ETS1: variants seen among roughly 807,000 people sequenced by gnomAD.
ETS1 encodes the protein protein C-ets-1.
In ETS1, 15 loss-of-function variants were observed where a neutral mutation model predicts 58.6. The ratio of observed to expected loss-of-function variants is 0.26; its 90% CI spans 0.17 to 0.39. The LOEUF is 0.39. Ranked by LOEUF, ETS1 falls within the 10% of genes least tolerant of loss-of-function variation. ETS1 has a pLI of 1.00. For synonymous variants in ETS1, 214 were observed against 218.2 expected (o/e 0.98, Z 0.17); for missense variants, 417 against 610.5 (o/e 0.68, Z 3.34).
At chr11:128,490,315 C>T (rs2135460952) in intron 4 of ETS1, 142 bp downstream of exon 4, 1 of 801,012 alleles carries the variant, frequency 1.2e-6, no homozygotes, top group South Asian at 1.7e-5. Context: ...TCATGATTGT[C>T]CTAACAGATG....
At chr11:128,497,866 C>T (rs1216421644) in intron 3 of ETS1, among the ~76,000 whole-genome samples, 3 of 151,968 alleles carry the variant, frequency 2.0e-5, no homozygotes, top group Non-Finnish European at 4.4e-5. Flanking sequence ...GAGGCTCTTC[C>T]GTTCCAGGAT....
At chr11:128,584,177 G>C (rs1864929381) in intron 1 of ETS1, among the ~76,000 whole-genome samples, 1 of 152,150 alleles carries the variant, frequency 6.6e-6, no homozygotes, top group Admixed American at 6.5e-5. Flanking sequence ...CTAGGCCTGG[G>C]TAGTCTTTCT....
chr11:128,523,699 C>G (rs528730706), intron 3 of ETS1, among the ~76,000 whole-genome samples: 1 of 152,316 alleles, frequency 6.6e-6, no homozygotes, highest in Non-Finnish European at 1.5e-5. Context: ...GGTCTAAACT[C>G]CAGATTAAAT....
chr11:128,499,321 T>G (rs1403471093), intron 3 of ETS1, among the ~76,000 whole-genome samples: 1 of 152,132 alleles, frequency 6.6e-6, no homozygotes, highest in Non-Finnish European at 1.5e-5. Flanking sequence ...TAATTTCACT[T>G]AACTCCCACC....
chr11:128,462,729 T>C (rs1861935759), intron 9 of ETS1, among the ~76,000 whole-genome samples, 153 bp from the exon 10 acceptor site: 1 of 152,136 alleles, frequency 6.6e-6, no homozygotes, highest in African/African-American at 2.4e-5. Flanking sequence ...TAGAAAATAT[T>C]TTTCGGGCCT....
intron 1 of ETS1, among the ~76,000 whole-genome samples, chr11:128,583,199 T>C (rs556247368): frequency 2.0e-5 from 3 of 152,266 alleles, no homozygotes; most frequent in Admixed American, 6.5e-5. Flanking sequence ...CATGAGTGAT[T>C]ATAACAAGGT....
intron 2 of ETS1, among the ~76,000 whole-genome samples, chr11:128,565,424 C>CCCAGTCT (rs1802698190): frequency 5.3e-5 from 8 of 152,132 alleles, no homozygotes; most frequent in Admixed American, 5.2e-4. Flanking sequence ...TTTTGAATTA[C>CCCAGTCT]CCAGTCTCAG....
intron 3 of ETS1, among the ~76,000 whole-genome samples, chr11:128,535,943 G>A (rs1378985528): frequency 6.6e-6 from 1 of 152,124 alleles, no homozygotes; most frequent in Admixed American, 6.6e-5. Context: ...TCATTCATTT[G>A]GCAGTCACTT....
At chr11:128,542,899 G>C (rs772926443) in intron 3 of ETS1, among the ~76,000 whole-genome samples, 1 of 152,102 alleles carries the variant, frequency 6.6e-6, no homozygotes, top group African/African-American at 2.4e-5. Context: ...TAGGCCCAGC[G>C]TGGTGGCTCA....
rs763596139 is a variant in ETS1, at chr11:128,480,315, C to T, written c.999G>A (p.Glu333=). Reference sequence around the variant, plus strand: ...GGTTGGGCAGGGCAGCCGGATAGTCCTCTGAGTCGAAGCTGTCATAGGAGG... The same window carrying T: ...GGTTGGGCAGGGCAGCCGGATAGTCTTCTGAGTCGAAGCTGTCATAGGAGG... The part of the protein sequence containing the change: ...RVPSYDSFDS[E]DYPAALPNHK... The change falls in exon 8 of 10, where the codon GAG becomes GAA. Residue 333 remains glutamate (E), a synonymous_variant. Coordinates refer to ENST00000392668, the MANE Select transcript of ETS1 (RefSeq NM_001143820.2). 1.2e-6 allele frequency: 2 copies of T among 1,614,120 alleles called. No homozygotes were observed. Among genetic ancestry groups the T allele is most frequent in the South Asian group, 1.1e-5 (1 of 91,082 alleles).
At position 128,504,226 on chromosome 11, in the gene ETS1, T is replaced by A. The variant is rs56788702; in HGVS notation, c.215-13650A>T. ...GGTTTGTGTAGACCTACCTAATCTA[T>A]AATTTTGGCCTCTATATCTCTTTGG... On this transcript the variant is annotated intron_variant, in intron 3 of 9. Coordinates refer to ENST00000392668, the MANE Select transcript of ETS1 (RefSeq NM_001143820.2). Among the ~76,000 whole-genome samples the A allele has an allele frequency of 1.1e-4, 17 of 152,364 alleles. 1 individual carries two copies. In the South Asian group the frequency reaches 3.5e-3, roughly 32 times the overall value.
At chr11:128,478,499 G>T (rs537981851) in intron 8 of ETS1, among the ~76,000 whole-genome samples, 1 of 149,252 alleles carries the variant, frequency 6.7e-6, no homozygotes, top group Non-Finnish European at 1.5e-5. Context: ...AGAAGAGAGG[G>T]TGGGCAGGCA....
At chr11:128,546,651 TA>T (rs1057290774) in intron 3 of ETS1, among the ~76,000 whole-genome samples, 26 of 152,254 alleles carry the variant, frequency 1.7e-4, no homozygotes, top group Admixed American at 3.3e-4. Flanking sequence ...AAATATTCTT[TA>T]AAAAAAATTT....
At chr11:128,467,050 C>T (rs180774996) in intron 8 of ETS1, among the ~76,000 whole-genome samples, 3 of 152,294 alleles carry the variant, frequency 2.0e-5, no homozygotes, top group African/African-American at 4.8e-5. Flanking sequence ...GCCGCTGAAG[C>T]GTCCCCTCTA....
intron 1 of ETS1, 101 bp from the exon 2 acceptor site, chr11:128,573,245 G>A: frequency 1.3e-6 from 1 of 794,202 alleles, no homozygotes; most frequent in South Asian, 1.6e-5. Context: ...AGTCTCCTTA[G>A]GAGCCAACCA....
chr11:128,564,399 T>C (rs1864455819), intron 2 of ETS1, among the ~76,000 whole-genome samples: 1 of 152,120 alleles, frequency 6.6e-6, no homozygotes, highest in African/African-American at 2.4e-5. Context: ...GCAGAAAAAA[T>C]TCTGAAGCAC....
chr11:128,511,572 T>C (rs1863393454), intron 3 of ETS1, among the ~76,000 whole-genome samples: 1 of 152,192 alleles, frequency 6.6e-6, no homozygotes, highest in Non-Finnish European at 1.5e-5. Context: ...TGACCAGTGC[T>C]ACCTGCTCAA....
chr11:128,573,798 A>G (rs951102596), intron 1 of ETS1, among the ~76,000 whole-genome samples: 1 of 152,252 alleles, frequency 6.6e-6, no homozygotes, highest in Non-Finnish European at 1.5e-5. Context: ...CCAGTTAGCT[A>G]CTGGTCATCA....
intron 3 of ETS1, among the ~76,000 whole-genome samples, chr11:128,507,319 C>T (rs541332033): frequency 1.1e-4 from 16 of 152,232 alleles, no homozygotes; most frequent in African/African-American, 3.6e-4. Context: ...AGAAGGCCAG[C>T]GCTGGTTCAG....
Sources: allele counts gnomAD v4.1 joint callset (sites outside exome capture counted in the v4.1 genomes callset), GRCh38; gene constraint gnomAD v4.1.1; transcripts MANE v1.5; gene names NCBI Gene and HGNC (gene_info 2026-07-23, HGNC 2026-07-21).